ONECUT1: variants seen among roughly 807,000 people sequenced by gnomAD.
ONECUT1 encodes the protein hepatocyte nuclear factor 6.
ONECUT1 carries 12 observed loss-of-function variants against 25.6 expected under a neutral mutation model. The observed-to-expected ratio is 0.47, with a 90% confidence interval of 0.30 to 0.76. The LOEUF (loss-of-function observed/expected upper bound fraction) is 0.76. Ranked by LOEUF, ONECUT1 falls within the 30% of genes least tolerant of loss-of-function variation. The pLI is 0.07. For synonymous variants in ONECUT1, 285 were observed against 270.2 expected, an observed-to-expected ratio of 1.05 and a Z score of -0.54; for missense variants, 620 against 651.2, an observed-to-expected ratio of 0.95 and a Z score of 0.52.
chr15:52,764,777 A>T (rs1025530195), intron 1 of ONECUT1, among the ~76,000 whole-genome samples: 1 of 152,192 alleles, frequency 6.6e-6, no homozygotes, highest in African/African-American at 2.4e-5. Flanking sequence ...TTCACCCTAA[A>T]GGCTGATGTA....
At position 52,772,411 on chromosome 15, in the gene ONECUT1, C is replaced by T. The variant is rs563012252; in HGVS notation, c.1106-14564G>A. 5.5e-5 allele frequency among the ~76,000 whole-genome samples: 8 copies of T among 144,386 alleles called. No individual in the cohort carries two copies. The South Asian group carries it at 1.1e-3, about 20-fold the overall frequency. The allele number at this position is 144,386 out of a possible 152,430, so 94.7% of individuals were successfully genotyped here. On this transcript the variant is annotated intron_variant, in intron 1 of 1. Coordinates refer to ENST00000305901, the MANE Select transcript of ONECUT1 (RefSeq NM_004498.4). ...TCCATCTAAAAAAAAAAAAAAAAAG[C>T]GAGATGTGTGTGAAGTTTGTTCACG...
chr15:52,777,974 G>A (rs1317005215), intron 1 of ONECUT1, among the ~76,000 whole-genome samples: 1 of 152,120 alleles, frequency 6.6e-6, no homozygotes, highest in African/African-American at 2.4e-5. Context: ...TATTTAGTAT[G>A]GGGCTAGAAC....
Position 52,757,899 on chromosome 15 carries a change from G to A in ONECUT1, c.1106-52C>T, listed in dbSNP as rs556476429. On this transcript the variant is annotated intron_variant, in intron 1 of 1. Coordinates refer to ENST00000305901, the MANE Select transcript of ONECUT1 (RefSeq NM_004498.4). The stretch of plus-strand genomic sequence containing the variant: ...AACAAATGGTCTAGGGGAGAATCAT[G>A]AGTAGAAAGACAGAGCTCATAAAAT... 153 of 1,556,544 alleles carry A rather than the reference G, an allele frequency of 9.8e-5. No homozygotes were observed. In the African/African-American group the frequency reaches 1.8e-3, roughly 19 times the overall value.
chr15:52,780,551 C>A, intron 1 of ONECUT1: 1 of 1,520,546 alleles, frequency 6.6e-7, no homozygotes, highest in Non-Finnish European at 8.8e-7. Flanking sequence ...ATCTTAATTA[C>A]CCCAAATGAA....
At chr15:52,775,751 A>T (rs2083795859) in intron 1 of ONECUT1, among the ~76,000 whole-genome samples, 1 of 152,220 alleles carries the variant, frequency 6.6e-6, no homozygotes, top group African/African-American at 2.4e-5. Flanking sequence ...AGATCGGAGG[A>T]AAGTAAAATG....
Position 52,755,199 on chromosome 15 carries a change from A to G in ONECUT1, c.*2356T>C, listed in dbSNP as rs1338326976. ...TTTAGAATTATCACGTTTTAAATAA[A>G]TAAGGCTTTCCTCCCTCCTAAATTA... On this transcript the variant is annotated 3_prime_UTR_variant, in exon 2 of 2. Transcript: ENST00000305901. Among the ~76,000 whole-genome samples, 1 of 152,156 alleles carries G rather than the reference A, an allele frequency of 6.6e-6. No individual in the cohort carries two copies. The highest frequency in any genetic ancestry group is 1.9e-4 in the East Asian group (1 of 5,192).
chr15:52,781,027 G>A lies in ONECUT1; in HGVS notation c.1105+7753C>T, dbSNP rs78037526. On this transcript the variant is annotated intron_variant, in intron 1 of 1. Coordinates refer to ENST00000305901, the MANE Select transcript of ONECUT1 (RefSeq NM_004498.4). ...TCAATTTATTACTTTTTAGTGCAGA[G>A]CCCTAAAATTTGAGTTACAGGCAAT... The A allele has an allele frequency of 6.9e-3, 2,819 of 408,294 alleles. 74 individuals carry two copies. The East Asian group carries it at 0.11, about 16-fold the overall frequency. The allele number at this position is 408,294 out of a possible 1,614,324, so 25.3% of individuals were successfully genotyped here. A position where few individuals can be genotyped will look rare whatever the true frequency, so the allele number is the denominator to read the frequency against.
intron 1 of ONECUT1, among the ~76,000 whole-genome samples, chr15:52,779,564 A>G (rs1030356242): frequency 6.6e-6 from 1 of 152,246 alleles, no homozygotes; most frequent in Non-Finnish European, 1.5e-5. Context: ...GGGGATAAAC[A>G]GTCCCCAATT....
In ONECUT1 at chr15:52,789,237, G is replaced by T. The variant is rs765349111; in HGVS notation, c.648C>A (p.Asn216Lys). 6.4e-7 allele frequency: 1 copy of T among 1,554,040 alleles called. No individual in the cohort carries two copies. The change falls in exon 1 of 2, where the codon AAC becomes AAA. Residue 216 changes from asparagine to lysine, a missense_variant. Asn to Lys is a moderately conservative substitution (Grantham distance 94, BLOSUM62 0). Coordinates refer to ENST00000305901, the MANE Select transcript of ONECUT1 (RefSeq NM_004498.4). The surrounding 1 kb of genome is among the most constrained non-coding windows in gnomAD (Gnocchi z 4.1). The part of the protein sequence containing the change: ...AMPTDKMLTP[N>K]GFEAHHPAML... ...TGGCCGGGTGGTGGGCTTCGAAGCC[G>T]TTGGGGGTGAGCATCTTGTCGGTGG...
rs1203664702 is a variant in ONECUT1 at position 52,784,645 on chromosome 15, T to C, written c.1105+4135A>G. Reference sequence around the variant, plus strand: ...GAGAACTACACAGGGGGAACTATGGTCCTACACCCTCGAGGGGACAGACAC... The same window carrying C: ...GAGAACTACACAGGGGGAACTATGGCCCTACACCCTCGAGGGGACAGACAC... On this transcript the variant is annotated intron_variant, in intron 1 of 1. Transcript: ENST00000305901. The surrounding 1 kb of genome is among the most constrained non-coding windows in gnomAD (Gnocchi z 5.0). Among the ~76,000 whole-genome samples, 1 of 152,152 alleles carries C rather than the reference T, an allele frequency of 6.6e-6. No homozygotes were observed. Among genetic ancestry groups the C allele is most frequent in the Non-Finnish European group, 1.5e-5 (1 of 68,026 alleles).
chr15:52,765,198 A>G (rs2083727191), intron 1 of ONECUT1, among the ~76,000 whole-genome samples: 1 of 152,238 alleles, frequency 6.6e-6, no homozygotes, highest in Admixed American at 6.5e-5. Context: ...AATGGGAGTG[A>G]CTAATAGGTA....
Position 52,790,069 on chromosome 15 carries a change from G to T in ONECUT1, c.-185C>A. On this transcript the variant is annotated 5_prime_UTR_variant, in exon 1 of 2. Transcript: ENST00000305901. The stretch of plus-strand genomic sequence containing the variant: ...TGTGTGTCCGTGTGTGCGTGTGCGT[G>T]TGTGTGTGTGTGTGTGTCTCGCCTT... The T allele has an allele frequency of 2.3e-6, 1 of 439,972 alleles. No individual in the cohort carries two copies. The highest frequency in any genetic ancestry group is 3.0e-6 in the Non-Finnish European group (1 of 331,798). 27.3% of individuals were successfully genotyped at this position (439,972 alleles called of 1,614,324 possible). A position where few individuals can be genotyped will look rare whatever the true frequency, so the allele number is the denominator to read the frequency against.
chr15:52,772,222 G>A (rs1475050802), intron 1 of ONECUT1, among the ~76,000 whole-genome samples: 1 of 151,978 alleles, frequency 6.6e-6, no homozygotes, highest in Non-Finnish European at 1.5e-5. Context: ...GTGAAACCCC[G>A]TCTCTACTAA....
In ONECUT1 at chr15:52,776,818, G is replaced by A. The variant is rs114240649; in HGVS notation, c.1105+11962C>T. 9.5e-3 allele frequency among the ~76,000 whole-genome samples: 1,444 copies of A among 152,298 alleles called. 28 individuals are homozygous for A. Among genetic ancestry groups the A allele is most frequent in the African/African-American group, 0.034 (1,406 of 41,564 alleles). On this transcript the variant is annotated intron_variant, in intron 1 of 1. Coordinates refer to ENST00000305901, the MANE Select transcript of ONECUT1 (RefSeq NM_004498.4). ...AGTGCCTGGCACATAGGAGGCACCC[G>A]ATCAGTGTTTGGGCGAATGAAGGAA... is the stretch of plus-strand genomic sequence containing the variant.
chr15:52,789,564 G>T lies in ONECUT1; in HGVS notation c.321C>A (p.Thr107=), dbSNP rs751429522. The T allele has an allele frequency of 1.9e-6, 3 of 1,592,530 alleles. No individual in the cohort carries two copies. The highest frequency in any genetic ancestry group is 2.6e-6 in the Non-Finnish European group (3 of 1,167,998). The change falls in exon 1 of 2, where the codon ACC becomes ACA. Residue 107 remains threonine (T), a synonymous_variant. Transcript: ENST00000305901. This position sits in a 1 kb window ranked among gnomAD's most constrained non-coding sequence, Gnocchi z 4.1. ...MSMPTTYTTL[T]PLQPLPPIST... is the part of the protein sequence containing the mutation. ...AGATGGGAGGCAGCGGCTGCAGAGG[G>T]GTCAAGGTGGTGTAGGTGGTGGGCA...
rs1009931896 is a variant in ONECUT1, at chr15:52,784,094, C to G, written c.1105+4686G>C. 6.6e-6 allele frequency among the ~76,000 whole-genome samples: 1 copy of G among 152,188 alleles called. No homozygotes were observed. The highest frequency in any genetic ancestry group is 2.4e-5 in the African/African-American group (1 of 41,438). Reference sequence around the variant, plus strand: ...CCCAGCCCCGACGGCCCGCAGGGGGCGCGCGCCGCAGCCGCAGCACAGCCC... The same window carrying G: ...CCCAGCCCCGACGGCCCGCAGGGGGGGCGCGCCGCAGCCGCAGCACAGCCC... On this transcript the variant is annotated intron_variant, in intron 1 of 1. Coordinates refer to ENST00000305901, the MANE Select transcript of ONECUT1 (RefSeq NM_004498.4). The surrounding 1 kb of genome is among the most constrained non-coding windows in gnomAD (Gnocchi z 5.0).
chr15:52,788,549 C>T lies in ONECUT1; in HGVS notation c.1105+231G>A. 5.9e-6 allele frequency: 3 copies of T among 504,510 alleles called. 1 individual carries two copies. In the East Asian group the frequency reaches 8.8e-5, roughly 15 times the overall value. 31.3% of individuals were successfully genotyped at this position (504,510 alleles called of 1,614,324 possible). A position where few individuals can be genotyped will look rare whatever the true frequency, so the allele number is the denominator to read the frequency against. On this transcript the variant is annotated intron_variant, in intron 1 of 1. Coordinates refer to ENST00000305901, the MANE Select transcript of ONECUT1 (RefSeq NM_004498.4). This position sits in a 1 kb window ranked among gnomAD's most constrained non-coding sequence, Gnocchi z 4.3. ...AATGAGCCTCTTCAGTCGCCGAGGC[C>T]CGGCCGCTTAGCTCTCGGAGCCTTC...
chr15:52,782,102 C>T (rs971617971), intron 1 of ONECUT1, among the ~76,000 whole-genome samples: 8 of 152,154 alleles, frequency 5.3e-5, no homozygotes, highest in South Asian at 2.1e-4. Flanking sequence ...TTTTTACACA[C>T]GTAAACATGT....
chr15:52,758,522 G>C (rs992659893), intron 1 of ONECUT1, among the ~76,000 whole-genome samples: 5 of 152,078 alleles, frequency 3.3e-5, no homozygotes, highest in Admixed American at 2.0e-4. Context: ...AACTGTGGAG[G>C]TGTGAACCGC....
Sources: gnomAD v4.1 joint callset for allele counts (sites outside exome capture counted in the v4.1 genomes callset) on GRCh38, gnomAD v4.1.1 for gene constraint, Gnocchi (gnomAD v3.1) non-coding constraint, MANE v1.5 for transcripts, NCBI Gene and HGNC (gene_info 2026-07-23, HGNC 2026-07-21) for gene names.